The following ZHX2 variants were observed in gnomAD, a reference collection of about 807,000 sequenced individuals.
ZHX2 encodes zinc fingers and homeoboxes 2.
A neutral mutation model predicts 21.9 loss-of-function variants in ZHX2; 6 were observed. The ratio of observed to expected loss-of-function variants is 0.27; its 90% CI spans 0.15 to 0.54. The LOEUF (loss-of-function observed/expected upper bound fraction) is 0.54, where lower values mean the gene tolerates loss of function less well. Among genes scored for constraint, ZHX2 ranks in the 20% least tolerant of loss-of-function variants. The pLI, the probability that ZHX2 is intolerant of heterozygous loss-of-function variation, is 0.95. For synonymous variants in ZHX2, 434 were observed against 437.1 expected (o/e 0.99, Z 0.09); for missense variants, 908 against 1,090.7 (o/e 0.83, Z 2.36).
At chr8:122,962,249 A>G (rs1164760220) in intron 3 of ZHX2, among the ~76,000 whole-genome samples, 6 of 152,080 alleles carry the variant, frequency 3.9e-5, no homozygotes, top group South Asian at 2.1e-4. Flanking sequence ...ACTGCACCCA[A>G]TGTGTGCTCT....
At chr8:122,923,031 T>C (rs1820774862) in intron 2 of ZHX2, among the ~76,000 whole-genome samples, 1 of 152,214 alleles carries the variant, frequency 6.6e-6, no homozygotes, top group East Asian at 1.9e-4. Flanking sequence ...ACCTGAGACC[T>C]TCCTCAGCAT....
At chr8:122,843,516 C>T (rs963672191) in intron 1 of ZHX2, among the ~76,000 whole-genome samples, 5 of 152,196 alleles carry the variant, frequency 3.3e-5, no homozygotes, top group Non-Finnish European at 5.9e-5. Flanking sequence ...TGGCCCCCAC[C>T]GTGAGACAGC....
chr8:122,969,789 G>A (rs1813674303), intron 3 of ZHX2, among the ~76,000 whole-genome samples: 1 of 152,108 alleles, frequency 6.6e-6, no homozygotes, highest in South Asian at 2.1e-4. Flanking sequence ...CCTTTCTCCT[G>A]GAGTGCAGTG....
intron 1 of ZHX2, among the ~76,000 whole-genome samples, chr8:122,805,303 C>A (rs560687525): frequency 6.6e-6 from 1 of 152,310 alleles, no homozygotes; most frequent in Non-Finnish European, 1.5e-5. Context: ...GGCATGGAAC[C>A]TATCCACCAA....
chr8:122,833,980 G>A (rs1439002857), intron 1 of ZHX2, among the ~76,000 whole-genome samples: 1 of 146,488 alleles, frequency 6.8e-6, no homozygotes, highest in Non-Finnish European at 1.5e-5. Flanking sequence ...CTGGGCGACA[G>A]AGCAAGACTC....
At chr8:122,826,809 C>T (rs558975430) in intron 1 of ZHX2, among the ~76,000 whole-genome samples, 3 of 151,696 alleles carry the variant, frequency 2.0e-5, no homozygotes, top group African/African-American at 7.2e-5. Context: ...GAGACTGTTA[C>T]ATGTGCAGGG....
At chr8:122,944,269 A>G (rs978932233) in intron 2 of ZHX2, among the ~76,000 whole-genome samples, 5 of 152,122 alleles carry the variant, frequency 3.3e-5, no homozygotes, top group African/African-American at 9.7e-5. Flanking sequence ...TGGTTCTTTC[A>G]TCTGCAGATT....
chr8:122,885,215 C>T (rs973455559), intron 2 of ZHX2, among the ~76,000 whole-genome samples: 1 of 152,186 alleles, frequency 6.6e-6, no homozygotes, highest in South Asian at 2.1e-4. Context: ...CTTTCTGGCT[C>T]ATGGAAGTCA....
intron 1 of ZHX2, among the ~76,000 whole-genome samples, chr8:122,861,601 C>T (rs941830476): frequency 1.3e-5 from 2 of 152,074 alleles, no homozygotes; most frequent in Admixed American, 6.5e-5. Flanking sequence ...TTTAGAGTAT[C>T]GTAAATCTAT....
intron 2 of ZHX2, among the ~76,000 whole-genome samples, chr8:122,889,136 A>G (rs1819916679): frequency 6.6e-6 from 1 of 152,142 alleles, no homozygotes; most frequent in African/African-American, 2.4e-5. Flanking sequence ...GTTGATGGAC[A>G]TTTAGTTTGA....
chr8:122,831,707 G>A lies in ZHX2; in HGVS notation c.-282-31770G>A, dbSNP rs186774488. Among the ~76,000 whole-genome samples the A allele has an allele frequency of 1.4e-4, 21 of 152,240 alleles. No individual in the cohort carries two copies. In the East Asian group the frequency reaches 2.7e-3, roughly 20 times the overall value. ...GCAATGAATGATGGCAACTTTTTGC[G>A]GGAGCCTGGCAGCTTTAAGGAGCTT... On this transcript the variant is annotated intron_variant, in intron 1 of 3. Coordinates refer to ENST00000314393, the MANE Select transcript of ZHX2 (RefSeq NM_014943.5).
intron 3 of ZHX2, among the ~76,000 whole-genome samples, chr8:122,963,996 G>T (rs1219672103): frequency 6.6e-6 from 1 of 151,984 alleles, no homozygotes; most frequent in African/African-American, 2.4e-5. Flanking sequence ...TGTGTACATT[G>T]ATTTTGTATT....
At chr8:122,870,086 G>T (rs907541492) in intron 2 of ZHX2, among the ~76,000 whole-genome samples, 4 of 152,202 alleles carry the variant, frequency 2.6e-5, no homozygotes, top group African/African-American at 9.7e-5. Context: ...CCTGAAGGAG[G>T]GGAAACCTGG....
chr8:122,909,786 G>A (rs545366565), intron 2 of ZHX2, among the ~76,000 whole-genome samples: 4 of 152,252 alleles, frequency 2.6e-5, no homozygotes, highest in Admixed American at 6.5e-5. Context: ...GGCCTCTTCC[G>A]GAAGTCTTGG....
intron 1 of ZHX2, among the ~76,000 whole-genome samples, chr8:122,791,258 C>T (rs1249313982): frequency 1.3e-5 from 2 of 152,230 alleles, no homozygotes; most frequent in Non-Finnish European, 2.9e-5. Context: ...ATGTCATTTG[C>T]ACAGCAACCC....
intron 2 of ZHX2, among the ~76,000 whole-genome samples, chr8:122,886,335 A>C (rs1288310840): frequency 1.3e-5 from 2 of 152,232 alleles, no homozygotes; most frequent in Non-Finnish European, 2.9e-5. Context: ...GGGAGGTATG[A>C]ATAGACAGCA....
intron 2 of ZHX2, among the ~76,000 whole-genome samples, chr8:122,905,730 G>A (rs1293336720): frequency 6.6e-6 from 1 of 152,226 alleles, no homozygotes; most frequent in African/African-American, 2.4e-5. Context: ...AGTGGCTTAG[G>A]GATGTAATGA....
At chr8:122,830,660 A>G (rs1818355617) in intron 1 of ZHX2, among the ~76,000 whole-genome samples, 1 of 152,188 alleles carries the variant, frequency 6.6e-6, no homozygotes, top group Non-Finnish European at 1.5e-5. Flanking sequence ...TGTTGAGAGG[A>G]CAAGGAGGTG....
At chr8:122,959,159 C>T (rs1439227499) in intron 3 of ZHX2, among the ~76,000 whole-genome samples, 3 of 152,204 alleles carry the variant, frequency 2.0e-5, no homozygotes, top group African/African-American at 7.2e-5. Flanking sequence ...CCAGCCACCA[C>T]CTTCGCTGCC....
Sources: allele counts gnomAD v4.1 joint callset (sites outside exome capture counted in the v4.1 genomes callset), GRCh38; gene constraint gnomAD v4.1.1; transcripts MANE v1.5; gene names NCBI Gene and HGNC (gene_info 2026-07-23, HGNC 2026-07-21).